ATG16L1: variants seen among roughly 807,000 people sequenced by gnomAD.
ATG16L1 encodes autophagy-related protein 16-1.
ATG16L1 carries 37 observed loss-of-function variants against 88.5 expected under a neutral mutation model. That is an observed-to-expected ratio of 0.42 (90% CI 0.32 to 0.55). The LOEUF is 0.55. Among genes scored for constraint, ATG16L1 ranks in the 20% least tolerant of loss-of-function variants. The probability of loss-of-function intolerance (pLI) is 0.13; values close to 1 mark genes in which losing one functional copy is unlikely to be tolerated. For synonymous variants in ATG16L1, 301 were observed against 281.0 expected (o/e 1.07, Z -0.71); for missense variants, 554 against 752.8 (o/e 0.74, Z 3.09).
chr2:233,286,772 C>T (rs1402415992), intron 12 of ATG16L1, among the ~76,000 whole-genome samples: 1 of 151,618 alleles, frequency 6.6e-6, no homozygotes, highest in East Asian at 1.9e-4. Context: ...ACTACAGGCG[C>T]CCGCCACCAC....
chr2:233,290,540 T>C (rs1574906260), intron 14 of ATG16L1, among the ~76,000 whole-genome samples, 187 bp downstream of exon 14: 1 of 152,328 alleles, frequency 6.6e-6, no homozygotes, highest in East Asian at 1.9e-4. Context: ...CAATCATTTA[T>C]TGAGCATGCA....
intron 9 of ATG16L1, chr2:233,277,362 G>A: frequency 2.1e-6 from 1 of 487,474 alleles, no homozygotes; most frequent in Non-Finnish European, 3.7e-6. Flanking sequence ...AGGTTGCACT[G>A]CACTCTAATG....
chr2:233,269,263 T>G (rs1697815652), intron 5 of ATG16L1, among the ~76,000 whole-genome samples: 1 of 152,202 alleles, frequency 6.6e-6, no homozygotes, highest in Admixed American at 6.5e-5. Flanking sequence ...CTCAAAAGGT[T>G]GTTATAAGGC....
At chr2:233,255,349 T>C (rs1696703439) in intron 1 of ATG16L1, among the ~76,000 whole-genome samples, 1 of 152,214 alleles carries the variant, frequency 6.6e-6, no homozygotes, top group African/African-American at 2.4e-5. Flanking sequence ...AAATTTATTA[T>C]GTTTGGAAAG....
At chr2:233,270,243 T>G (rs1697902739) in intron 6 of ATG16L1, among the ~76,000 whole-genome samples, 176 bp downstream of exon 6, 1 of 152,010 alleles carries the variant, frequency 6.6e-6, no homozygotes, top group East Asian at 1.9e-4. Flanking sequence ...TGTAAAATCA[T>G]CTTACAGATT....
chr2:233,288,425 T>C (rs1397372909), intron 12 of ATG16L1, among the ~76,000 whole-genome samples: 1 of 151,930 alleles, frequency 6.6e-6, no homozygotes, highest in East Asian at 1.9e-4. Flanking sequence ...GCTGAGACTA[T>C]AAGTACCCAC....
chr2:233,258,852 C>A (rs941556476), intron 2 of ATG16L1, among the ~76,000 whole-genome samples: 3 of 152,106 alleles, frequency 2.0e-5, no homozygotes, highest in African/African-American at 7.2e-5. Context: ...GTGTGCACCA[C>A]CATGCCAGTC....
intron 17 of ATG16L1, among the ~76,000 whole-genome samples, chr2:233,293,635 CCT>C (rs1354763873): frequency 2.6e-5 from 4 of 151,872 alleles, no homozygotes; most frequent in Non-Finnish European, 5.9e-5. Flanking sequence ...ATGTCCACGT[CCT>C]CTGTGTCTCC....
intron 2 of ATG16L1, among the ~76,000 whole-genome samples, chr2:233,257,537 A>G (rs1696878213): frequency 6.6e-6 from 1 of 152,144 alleles, no homozygotes; most frequent in South Asian, 2.1e-4. Flanking sequence ...AACCTATGAT[A>G]CTCAGTAGGT....
chr2:233,279,337 C>T (rs1283819744), intron 10 of ATG16L1, among the ~76,000 whole-genome samples: 1 of 144,972 alleles, frequency 6.9e-6, no homozygotes, highest in African/African-American at 2.6e-5. Context: ...AGGTACCAAC[C>T]TTTAATTCTA....
intron 12 of ATG16L1, chr2:233,288,891 T>TG (rs1161595194): frequency 9.6e-6 from 5 of 519,090 alleles, no homozygotes; most frequent in African/African-American, 9.6e-5. Flanking sequence ...ATTTGATTGT[T>TG]GGGAGTGCTG....
intron 12 of ATG16L1, among the ~76,000 whole-genome samples, chr2:233,286,525 G>A (rs1302053874): frequency 6.6e-6 from 1 of 151,492 alleles, no homozygotes; most frequent in Non-Finnish European, 1.5e-5. Flanking sequence ...CCTGTAGGAG[G>A]CCCAGCTCTA....
chr2:233,253,125 A>G (rs528818775), intron 1 of ATG16L1, among the ~76,000 whole-genome samples: 1 of 152,112 alleles, frequency 6.6e-6, no homozygotes, highest in East Asian at 1.9e-4. Flanking sequence ...CTGCATGCCA[A>G]GTTATCAGTG....
Position 233,263,294 on chromosome 2 carries a change from C to T in ATG16L1, c.315+59C>T, listed in dbSNP as rs376579451. ...CCCTCTATGAGAGTCCTGTGGGGAGCGGGGGAGCTCAGTCACTTCTCACCA... is the reference window on the plus strand; with the variant it reads ...CCCTCTATGAGAGTCCTGTGGGGAGTGGGGGAGCTCAGTCACTTCTCACCA... On this transcript the variant is annotated intron_variant, in intron 3 of 17. Coordinates refer to ENST00000392017, the MANE Select transcript of ATG16L1 (RefSeq NM_030803.7). The T allele has an allele frequency of 3.1e-5, 46 of 1,482,602 alleles. No individual in the cohort carries two copies. In the East Asian group the frequency reaches 3.5e-4, roughly 11 times the overall value. The allele number at this position is 1,482,602 out of a possible 1,614,324, so 91.8% of individuals were successfully genotyped here. A position where few individuals can be genotyped will look rare whatever the true frequency, so the allele number is the denominator to read the frequency against.
At chr2:233,254,218 A>T (rs1208826115) in intron 1 of ATG16L1, among the ~76,000 whole-genome samples, 2 of 152,186 alleles carry the variant, frequency 1.3e-5, no homozygotes, top group Admixed American at 6.5e-5. Context: ...ACTTGTGGAG[A>T]GCAGATAGCT....
At chr2:233,283,994 G>A (rs1489719703) in intron 12 of ATG16L1, among the ~76,000 whole-genome samples, 7 of 146,770 alleles carry the variant, frequency 4.8e-5, no homozygotes, top group Non-Finnish European at 9.0e-5. Context: ...ACAGGCGCCC[G>A]CCACCACGCC....
intron 11 of ATG16L1, among the ~76,000 whole-genome samples, chr2:233,281,526 A>G (rs191519789): frequency 2.0e-5 from 3 of 152,338 alleles, no homozygotes; most frequent in African/African-American, 7.2e-5. Flanking sequence ...ATTAAACTGC[A>G]AAGCGTTGTG....
chr2:233,273,689 A>G lies in ATG16L1; in HGVS notation c.795-32A>G, dbSNP rs199558257. ...TTGATTATTTGGGCAAAATGTTTCT[A>G]AGGTTTAAACCTATCCTCCCCTCCT... On this transcript the variant is annotated intron_variant, in intron 7 of 17. Coordinates refer to ENST00000392017, the MANE Select transcript of ATG16L1 (RefSeq NM_030803.7). 6.7e-5 allele frequency: 108 copies of G among 1,606,232 alleles called. No individual in the cohort carries two copies. The African/African-American group carries it at 1.2e-3, about 19-fold the overall frequency.
chr2:233,263,349 C>A, intron 3 of ATG16L1, 114 bp downstream of exon 3: 1 of 858,120 alleles, frequency 1.2e-6, no homozygotes, highest in South Asian at 1.6e-5. Context: ...CCATATGTGG[C>A]ATCAAAAGTC....
Sources: allele counts gnomAD v4.1 joint callset (sites outside exome capture counted in the v4.1 genomes callset), GRCh38; gene constraint gnomAD v4.1.1; transcripts MANE v1.5; gene names NCBI Gene and HGNC (gene_info 2026-07-23, HGNC 2026-07-21).